Variants in CPSF3 observed in about 807,000 individuals in gnomAD.
CPSF3 encodes cleavage and polyadenylation specific factor 3, also known as cleavage and polyadenylation specificity factor subunit 3.
Under a neutral mutation model 84.1 loss-of-function variants are expected in CPSF3, and 57 were observed. The observed-to-expected ratio is 0.68, with a 90% CI of 0.55 to 0.85. The LOEUF (loss-of-function observed/expected upper bound fraction) is 0.85. Ranked by LOEUF, CPSF3 falls within the 40% of genes least tolerant of loss-of-function variation. The pLI, the probability that CPSF3 is intolerant of heterozygous loss-of-function variation, is 0.00. For synonymous variants in CPSF3, 275 were observed against 278.1 expected (o/e 0.99, Z 0.11); for missense variants, 522 against 838.8 (o/e 0.62, Z 4.66).
At chr2:9,447,642 G>A (rs1436763765) in intron 10 of CPSF3, among the ~76,000 whole-genome samples, 1 of 152,072 alleles carries the variant, frequency 6.6e-6, no homozygotes, top group Non-Finnish European at 1.5e-5. Flanking sequence ...AGGCATAGTG[G>A]CGTGTACCTA....
At chr2:9,452,817 A>G (rs1457764639) in intron 11 of CPSF3, 96 bp from the exon 12 acceptor site, 1 of 718,204 alleles carries the variant, frequency 1.4e-6, no homozygotes, top group Non-Finnish European at 2.4e-6. Flanking sequence ...CATAGTTCAA[A>G]GGTGTTATGG....
intron 15 of CPSF3, among the ~76,000 whole-genome samples, chr2:9,462,424 C>G (rs1033968323): frequency 1.3e-5 from 2 of 152,156 alleles, no homozygotes; most frequent in African/African-American, 4.8e-5. Context: ...TGTTGTGTGA[C>G]TACAAGGTCT....
intron 4 of CPSF3, 38 bp downstream of exon 4, chr2:9,430,918 T>C (rs565715357): frequency 1.3e-6 from 2 of 1,546,736 alleles, no homozygotes; most frequent in East Asian, 2.2e-5. Context: ...ACTTTGGCTC[T>C]ATATGGCATG....
chr2:9,423,683 T>A lies in CPSF3; in HGVS notation c.-91T>A. ...GTTGTGCTCTTGGTGAATGGGGTTC[T>A]TCCTTTTTTATTTACCGGTGGCTGT... On this transcript the variant is annotated 5_prime_UTR_variant, in exon 1 of 18. Transcript: ENST00000238112. 1 of 1,518,382 alleles carries A rather than the reference T, an allele frequency of 6.6e-7. No individual in the cohort carries two copies. Among genetic ancestry groups the A allele is most frequent in the Non-Finnish European group, 9.0e-7 (1 of 1,115,750 alleles). The allele number at this position is 1,518,382 out of a possible 1,614,324, so 94.1% of individuals were successfully genotyped here.
chr2:9,430,097 G>A (rs1680528770), intron 3 of CPSF3, 77 bp downstream of exon 3: 1 of 927,446 alleles, frequency 1.1e-6, no homozygotes, highest in Admixed American at 2.8e-5. Flanking sequence ...GATTTTGAGA[G>A]TTTGGTTTTT....
chr2:9,451,687 G>A (rs1177692016), intron 11 of CPSF3, among the ~76,000 whole-genome samples: 2 of 150,106 alleles, frequency 1.3e-5, no homozygotes, highest in Admixed American at 6.6e-5. Flanking sequence ...GACAGAGCAA[G>A]ACTGTCTCAG....
At position 9,440,194 on chromosome 2, in the gene CPSF3, G is replaced by A. The variant is rs139416224; in HGVS notation, c.761-297G>A. ...TATTATTTAGTGTCTTATTATGGTA[G>A]TAAGTTATAGACTTCAGTGTAAACT... On this transcript the variant is annotated intron_variant, in intron 7 of 17. Coordinates refer to ENST00000238112, the MANE Select transcript of CPSF3 (RefSeq NM_016207.4). Among the ~76,000 whole-genome samples, 365 of 152,204 alleles carry A rather than the reference G, an allele frequency of 2.4e-3. 6 individuals are homozygous for A. The highest frequency in any genetic ancestry group is 8.4e-3 in the African/African-American group (348 of 41,526).
intron 7 of CPSF3, among the ~76,000 whole-genome samples, chr2:9,438,724 A>G (rs888921709): frequency 6.6e-6 from 1 of 152,112 alleles, no homozygotes; most frequent in Non-Finnish European, 1.5e-5. Context: ...TCGTTAGTAT[A>G]TATTCTTATA....
chr2:9,434,006 T>G, intron 6 of CPSF3, 46 bp downstream of exon 6: 1 of 1,129,436 alleles, frequency 8.9e-7, no homozygotes, highest in Non-Finnish European at 1.3e-6. Flanking sequence ...TGTAAGCAGA[T>G]TTTTTTTCTT....
At chr2:9,458,408 G>GA (rs1402621820) in intron 14 of CPSF3, among the ~76,000 whole-genome samples, 1 of 150,594 alleles carries the variant, frequency 6.6e-6, no homozygotes, top group Non-Finnish European at 1.5e-5. Flanking sequence ...TGTCTCAAAA[G>GA]AAAAAAAAGA....
chr2:9,431,850 C>T (rs531087541), intron 4 of CPSF3, among the ~76,000 whole-genome samples: 9 of 152,052 alleles, frequency 5.9e-5, no homozygotes, highest in South Asian at 2.1e-4. Context: ...CGCACCCAGC[C>T]GGGAGATAAA....
At chr2:9,467,605 T>C (rs953678737) in intron 15 of CPSF3, 102 bp from the exon 16 acceptor site, 2 of 752,700 alleles carry the variant, frequency 2.7e-6, no homozygotes, top group Non-Finnish European at 4.3e-6. Context: ...TCCATAGTTA[T>C]TCACTTTAAC....
chr2:9,462,667 T>G (rs1475956208), intron 15 of CPSF3, among the ~76,000 whole-genome samples: 1 of 152,252 alleles, frequency 6.6e-6, no homozygotes. Context: ...TTATCTTGAT[T>G]ATTTCTCTTA....
At chr2:9,443,269 T>G (rs560769616) in intron 9 of CPSF3, among the ~76,000 whole-genome samples, 2 of 152,178 alleles carry the variant, frequency 1.3e-5, no homozygotes, top group Non-Finnish European at 2.9e-5. Context: ...AGCATAAGAG[T>G]TATGATTCTC....
intron 15 of CPSF3, among the ~76,000 whole-genome samples, chr2:9,466,408 G>A (rs13383007): frequency 2.4e-4 from 33 of 140,012 alleles, no homozygotes; most frequent in African/African-American, 7.2e-4. Context: ...ACACGCACGC[G>A]CACACACGCA....
At chr2:9,446,439 G>A (rs929199069) in intron 10 of CPSF3, among the ~76,000 whole-genome samples, 1 of 152,034 alleles carries the variant, frequency 6.6e-6, no homozygotes, top group Non-Finnish European at 1.5e-5. Context: ...AAATTAGACG[G>A]GTGTGGTGGC....
intron 8 of CPSF3, 46 bp downstream of exon 8, chr2:9,440,712 G>A: frequency 6.3e-7 from 1 of 1,591,838 alleles, no homozygotes; most frequent in Non-Finnish European, 8.6e-7. Flanking sequence ...AACCAAATCA[G>A]TCATTAGTAG....
At chr2:9,466,344 GCGCGCGCGCACACACA>G (rs1558466543) in intron 15 of CPSF3, among the ~76,000 whole-genome samples, 6 of 90,802 alleles carry the variant, frequency 6.6e-5, no homozygotes, top group Non-Finnish European at 1.7e-4. Context: ...GCACACACGC[GCGCGCGCGCACACACA>G]CACGCACACA....
chr2:9,424,108 A>G (rs1441933155), intron 1 of CPSF3: 1 of 1,190,268 alleles, frequency 8.4e-7, no homozygotes, highest in African/African-American at 1.6e-5. Flanking sequence ...GCTTTCGTAC[A>G]CGCTAAGAAG....
Sources: allele counts gnomAD v4.1 joint callset (sites outside exome capture counted in the v4.1 genomes callset), GRCh38; gene constraint gnomAD v4.1.1; transcripts MANE v1.5; gene names NCBI Gene and HGNC (gene_info 2026-07-23, HGNC 2026-07-21).